The following DIAPH2 variants were observed in gnomAD, a reference collection of about 807,000 sequenced individuals.
DIAPH2 encodes protein diaphanous homolog 2.
DIAPH2 carries 35 observed loss-of-function variants against 92.7 expected under a neutral mutation model. The observed-to-expected ratio is 0.38, with a 90% CI of 0.29 to 0.50. The LOEUF is 0.50. Ranked by LOEUF, DIAPH2 falls within the 20% of genes least tolerant of loss-of-function variation. The pLI is 0.94. For missense variants in DIAPH2, 701 were observed against 819.5 expected, an observed-to-expected ratio of 0.86 and a Z score of 1.77; for synonymous variants, 301 against 280.4, an observed-to-expected ratio of 1.07 and a Z score of -0.73.
At chrX:97,321,557 T>A (rs1402539490) in intron 23 of DIAPH2, among the ~76,000 whole-genome samples, 1 of 90,276 alleles carries the variant, frequency 1.1e-5, no homozygotes, top group Non-Finnish European at 2.2e-5. Flanking sequence ...TTTTTTTTTT[T>A]TTTTTTTTTT....
intron 17 of DIAPH2, among the ~76,000 whole-genome samples, chrX:96,973,426 A>G (rs1230338425): frequency 9.0e-6 from 1 of 111,453 alleles, no homozygotes; most frequent in Non-Finnish European, 1.9e-5. Flanking sequence ...TGAACCTGGG[A>G]AGTTGAGGCT....
chrX:96,894,138 C>T (rs1001995241), intron 5 of DIAPH2, among the ~76,000 whole-genome samples: 18 of 111,738 alleles, frequency 1.6e-4, no homozygotes, highest in East Asian at 1.4e-3. Flanking sequence ...TTCATATACC[C>T]GAAATCAACC....
chrX:97,163,921 T>C (rs1290929069), intron 22 of DIAPH2, among the ~76,000 whole-genome samples: 1 of 112,331 alleles, frequency 8.9e-6, no homozygotes, highest in Non-Finnish European at 1.9e-5. Flanking sequence ...TAGTAGCTTT[T>C]CACATTAACT....
intron 26 of DIAPH2, among the ~76,000 whole-genome samples, chrX:97,440,611 A>G (rs1396165436): frequency 1.8e-5 from 2 of 108,662 alleles, no homozygotes; most frequent in Admixed American, 9.9e-5. Context: ...AAAAAAAAAA[A>G]AAAAGAAAGA....
intron 23 of DIAPH2, among the ~76,000 whole-genome samples, chrX:97,286,907 T>C (rs957234190): frequency 6.3e-5 from 7 of 111,393 alleles, no homozygotes; most frequent in African/African-American, 2.0e-4. Flanking sequence ...ACTTGAAGAA[T>C]GTAGCATCTC....
At chrX:96,714,729 GTAAA>G (rs200305533) in intron 1 of DIAPH2, among the ~76,000 whole-genome samples, 23 of 112,052 alleles carry the variant, frequency 2.1e-4, no homozygotes, top group South Asian at 3.7e-4. Context: ...GAATGAATGA[GTAAA>G]TAAATAAATC....
At chrX:97,149,850 G>A (rs888843366) in intron 22 of DIAPH2, among the ~76,000 whole-genome samples, 10 of 108,748 alleles carry the variant, frequency 9.2e-5, no homozygotes, top group African/African-American at 3.3e-4. Context: ...GTTGTTAAAT[G>A]TTAGGGAATC....
In DIAPH2 at chrX:96,689,988, C is replaced by CT. The variant is rs367914441; in HGVS notation, c.132+4810dup. ...TAAAAAAATGTTTATTTGTATGTGC[C>CT]TTTTTTTTTTTTAAAGTATATGTAC... On this transcript the variant is annotated intron_variant, in intron 1 of 26. Coordinates refer to ENST00000324765, the MANE Select transcript of DIAPH2 (RefSeq NM_006729.5). Among the ~76,000 whole-genome samples, 336 of 100,627 alleles carry CT rather than the reference C, an allele frequency of 3.3e-3. 1 individual carries two copies. The highest frequency in any genetic ancestry group is 8.4e-3 in the African/African-American group (235 of 27,817). 87.4% of individuals were successfully genotyped at this position (100,627 alleles called of 115,157 possible). A position where few individuals can be genotyped will look rare whatever the true frequency, so the allele number is the denominator to read the frequency against.
chrX:96,884,830 G>T, intron 5 of DIAPH2: 1 of 1,211,463 alleles, frequency 8.3e-7, no homozygotes, highest in Non-Finnish European at 1.1e-6. Context: ...AGCCCGTCGT[G>T]ATACCACTGT....
intron 21 of DIAPH2, among the ~76,000 whole-genome samples, chrX:97,126,550 A>C (rs2067095687): frequency 1.8e-5 from 2 of 112,212 alleles, no homozygotes; most frequent in Non-Finnish European, 1.9e-5. Context: ...TAAAACATAC[A>C]TCTCCAGTCC....
In DIAPH2 at chrX:97,035,665, T is replaced by C. The variant is rs140790053; in HGVS notation, c.2051-37276T>C. Among the ~76,000 whole-genome samples the C allele has an allele frequency of 4.5e-5, 5 of 111,876 alleles. No individual in the cohort carries two copies. In the East Asian group the frequency reaches 1.4e-3, roughly 32 times the overall value. ...AGGCTTGGATTCAGTTTGTTGGGTA[T>C]TCTAAGCATCTTTACCAAAGAAATC... is the stretch of plus-strand genomic sequence containing the variant. On this transcript the variant is annotated intron_variant, in intron 17 of 26. Coordinates refer to ENST00000324765, the MANE Select transcript of DIAPH2 (RefSeq NM_006729.5).
At chrX:97,261,791 T>C (rs1219362419) in intron 23 of DIAPH2, among the ~76,000 whole-genome samples, 1 of 111,414 alleles carries the variant, frequency 9.0e-6, no homozygotes, top group Non-Finnish European at 1.9e-5. Flanking sequence ...AGTACATTTA[T>C]GTACAAAGGG....
rs1180330581 is a variant in DIAPH2 at position 97,185,474 on chromosome X, CATATATATATATATAT to C, written c.2719+43711_2719+43726del. On this transcript the variant is annotated intron_variant, in intron 22 of 26. Transcript: ENST00000324765. ...GTGTGTGTATATATATATATATACACATATATATATATATATATATATATATATATATATATATATA... is the reference window on the plus strand; with the variant it reads ...GTGTGTGTATATATATATATATACACATATATATATATATATATATATATA... Among the ~76,000 whole-genome samples the C allele has an allele frequency of 4.8e-4, 5 of 10,512 alleles. 1 individual carries two copies. The highest frequency in any genetic ancestry group is 6.4e-4 in the African/African-American group (2 of 3,102). 9.1% of individuals were successfully genotyped at this position (10,512 alleles called of 115,157 possible). A position where few individuals can be genotyped will look rare whatever the true frequency, so the allele number is the denominator to read the frequency against.
At chrX:97,458,222 C>T (rs1047303775) in intron 26 of DIAPH2, among the ~76,000 whole-genome samples, 1 of 110,484 alleles carries the variant, frequency 9.1e-6, no homozygotes, top group African/African-American at 3.3e-5. Flanking sequence ...CTGACTGCTC[C>T]ACCTTTTCAT....
intron 22 of DIAPH2, among the ~76,000 whole-genome samples, chrX:97,154,484 C>T (rs2067308049): frequency 9.0e-6 from 1 of 111,540 alleles, no homozygotes; most frequent in African/African-American, 3.3e-5. Flanking sequence ...AATATCTAAT[C>T]ACATCATATA....
At chrX:97,214,976 C>G (rs1389249926) in intron 22 of DIAPH2, among the ~76,000 whole-genome samples, 6 of 108,792 alleles carry the variant, frequency 5.5e-5, no homozygotes, top group African/African-American at 2.0e-4. Context: ...AAATGCTTAA[C>G]TTAGTCAAAT....
intron 17 of DIAPH2, among the ~76,000 whole-genome samples, chrX:97,035,985 T>A (rs2066408254): frequency 9.0e-6 from 1 of 111,165 alleles, no homozygotes; most frequent in African/African-American, 3.3e-5. Flanking sequence ...TGGTTAAGGC[T>A]TATAGGAAAA....
intron 26 of DIAPH2, among the ~76,000 whole-genome samples, chrX:97,565,696 C>T (rs756799857): frequency 3.6e-5 from 4 of 112,097 alleles, no homozygotes; most frequent in Non-Finnish European, 5.6e-5. Context: ...AAACTTCACG[C>T]GTATCTCTGA....
intron 26 of DIAPH2, among the ~76,000 whole-genome samples, chrX:97,582,767 T>C (rs1394836125): frequency 9.0e-6 from 1 of 111,094 alleles, no homozygotes; most frequent in African/African-American, 3.3e-5. Flanking sequence ...TCCTGCAGAG[T>C]GTTTTCCAAC....
Sources: allele counts gnomAD v4.1 joint callset (sites outside exome capture counted in the v4.1 genomes callset), GRCh38; gene constraint gnomAD v4.1.1; transcripts MANE v1.5; gene names NCBI Gene and HGNC (gene_info 2026-07-23, HGNC 2026-07-21).